TP63: variants seen among roughly 807,000 people sequenced by gnomAD.
The protein encoded by TP63 is tumor protein 63.
TP63 carries 17 observed loss-of-function variants against 82.8 expected under a neutral mutation model. The ratio of observed to expected loss-of-function variants is 0.21; its 90% CI spans 0.14 to 0.31. The LOEUF is 0.31. Among genes scored for constraint, TP63 ranks in the 10% least tolerant of loss-of-function variants. The pLI is 1.00. For synonymous variants in TP63, 330 were observed against 321.7 expected, an observed-to-expected ratio of 1.03 and a Z score of -0.28; for missense variants, 648 against 895.3, an observed-to-expected ratio of 0.72 and a Z score of 3.52.
intron 3 of TP63, among the ~76,000 whole-genome samples, chr3:189,772,704 C>T (rs1723467974): frequency 6.6e-6 from 1 of 152,150 alleles, no homozygotes; most frequent in African/African-American, 2.4e-5. Context: ...AAGCCCAACC[C>T]CTTGATAATC....
intron 1 of TP63, among the ~76,000 whole-genome samples, chr3:189,712,129 T>C (rs1056593314): frequency 3.3e-5 from 5 of 152,140 alleles, no homozygotes; most frequent in African/African-American, 4.8e-5. Context: ...AACACTACAA[T>C]AGGCACCGTG....
At chr3:189,862,725 T>C (rs968298651) in intron 4 of TP63, among the ~76,000 whole-genome samples, 7 of 152,248 alleles carry the variant, frequency 4.6e-5, no homozygotes, top group Non-Finnish European at 1.0e-4. Flanking sequence ...AAACAAGTTC[T>C]GTGTAAGTCT....
At chr3:189,747,813 C>G (rs1426273005) in intron 3 of TP63, among the ~76,000 whole-genome samples, 1 of 151,798 alleles carries the variant, frequency 6.6e-6, no homozygotes, top group Non-Finnish European at 1.5e-5. Context: ...TGAAAAGATA[C>G]ACCAAATTGA....
chr3:189,757,095 T>C (rs775706453), intron 3 of TP63, among the ~76,000 whole-genome samples: 24 of 152,280 alleles, frequency 1.6e-4, no homozygotes, highest in Admixed American at 2.6e-4. Flanking sequence ...ACGTGAAAAA[T>C]TCTACAATGT....
At position 189,783,838 on chromosome 3, in the gene TP63, C is replaced by A. The variant is rs1244879397; in HGVS notation, c.325-24434C>A. Among the ~76,000 whole-genome samples the A allele has an allele frequency of 3.3e-5, 5 of 151,810 alleles. 1 individual carries two copies. The highest frequency in any genetic ancestry group is 3.3e-4 in the Admixed American group (5 of 15,236). ...CAGTGCTGTAGTAGTTAGCCTCATT[C>A]AAATGTAATTTGGTGCAGTCTTTTT... is the stretch of plus-strand genomic sequence containing the variant. On this transcript the variant is annotated intron_variant, in intron 3 of 13. Coordinates refer to ENST00000264731, the MANE Select transcript of TP63 (RefSeq NM_003722.5).
chr3:189,896,337 C>T lies in TP63; in HGVS notation c.*1835C>T. The T allele has an allele frequency of 4.8e-6, 1 of 209,244 alleles. No homozygotes were observed. The highest frequency in any genetic ancestry group is 9.7e-6 in the Non-Finnish European group (1 of 102,922). The allele number at this position is 209,244 out of a possible 1,614,324, so 13.0% of individuals were successfully genotyped here. ...GGGATTTCCAGAACCACACTTGAAA[C>T]CTTTTTTTATCGTTTTTGTATTTTC... is the stretch of plus-strand genomic sequence containing the variant. On this transcript the variant is annotated 3_prime_UTR_variant, in exon 14 of 14. Coordinates refer to ENST00000264731, the MANE Select transcript of TP63 (RefSeq NM_003722.5).
chr3:189,624,287 C>T, the TP63 span, among the ~76,000 whole-genome samples: 1 of 152,090 alleles, frequency 6.6e-6, no homozygotes, highest in African/African-American at 2.4e-5. Context: ...AAACTCTATA[C>T]TCATTAAGCT....
chr3:189,827,630 G>A (rs767364787), intron 4 of TP63, among the ~76,000 whole-genome samples: 16 of 152,204 alleles, frequency 1.1e-4, no homozygotes, highest in Non-Finnish European at 1.9e-4. Flanking sequence ...GGTAAGTAAA[G>A]GCATGGAGAC....
chr3:189,641,025 T>C (rs1294819599), intron 1 of TP63, among the ~76,000 whole-genome samples: 1 of 152,142 alleles, frequency 6.6e-6, no homozygotes, highest in African/African-American at 2.4e-5. Context: ...TTAAGTACAT[T>C]TAAGAAGATT....
intron 3 of TP63, among the ~76,000 whole-genome samples, chr3:189,807,600 G>C (rs1011244825): frequency 5.9e-5 from 9 of 152,214 alleles, no homozygotes; most frequent in Middle Eastern, 6.8e-3. Context: ...GAAAATGAAA[G>C]AACAAATAAA....
chr3:189,693,795 C>T (rs187626377), intron 1 of TP63, among the ~76,000 whole-genome samples: 10 of 152,216 alleles, frequency 6.6e-5, no homozygotes, highest in African/African-American at 1.4e-4. Flanking sequence ...GATTAACTCA[C>T]GGTGCCTGGT....
chr3:189,728,600 A>G (rs1039257756), intron 1 of TP63, among the ~76,000 whole-genome samples: 2 of 152,186 alleles, frequency 1.3e-5, no homozygotes, highest in African/African-American at 4.8e-5. Flanking sequence ...TCATGCTGCT[A>G]TGAAGAGATA....
intron 1 of TP63, among the ~76,000 whole-genome samples, chr3:189,735,462 A>G (rs2108791890): frequency 6.6e-6 from 1 of 152,326 alleles, no homozygotes; most frequent in African/African-American, 2.4e-5. Context: ...CTCCAACTAT[A>G]CTTACTGATG....
At chr3:189,743,008 T>C (rs6774831) in intron 3 of TP63, among the ~76,000 whole-genome samples, 33,499 of 152,012 alleles carry the variant, frequency 0.22, 3,758 homozygotes, top group Middle Eastern at 0.27. Flanking sequence ...CATAATGTGA[T>C]GCTCATAAGT....
In TP63 at chr3:189,737,751, C is replaced by A; in HGVS notation, c.74C>A (p.Thr25Asn). 6.2e-7 allele frequency: 1 copy of A among 1,613,850 alleles called. No individual in the cohort carries two copies. The highest frequency in any genetic ancestry group is 8.5e-7 in the Non-Finnish European group (1 of 1,179,822). ...TTTGTCCTTTTAAGTTTCGTAGAAA[C>A]CCCAGCTCATTTCTCTTGGAAAGAA... is the stretch of plus-strand genomic sequence containing the variant. ...PDPYIQRFVETPAHFSWKESY... is the reference protein window; with the variant it reads ...PDPYIQRFVENPAHFSWKESY... Residue 25 changes from threonine to asparagine, a missense_variant, in exon 2 of 14, where the codon ACC (threonine) becomes AAC (asparagine). Thr to Asn is a moderately conservative substitution (Grantham distance 65). Transcript: ENST00000264731.
rs1250843041 is a variant in TP63, at chr3:189,895,050, T to C, written c.*548T>C. The C allele has an allele frequency of 4.5e-6, 1 of 220,822 alleles. No homozygotes were observed. The highest frequency in any genetic ancestry group is 9.1e-6 in the Non-Finnish European group (1 of 110,050). The allele number at this position is 220,822 out of a possible 1,614,324, so 13.7% of individuals were successfully genotyped here. ...ATGCTACATGTGAGTGACGATGATG[T>C]ACAGATTCTTTCAGTTCTTTGGATT... On this transcript the variant is annotated 3_prime_UTR_variant, in exon 14 of 14. Transcript: ENST00000264731.
intron 3 of TP63, among the ~76,000 whole-genome samples, chr3:189,796,400 G>C (rs906236639): frequency 7.9e-5 from 12 of 151,932 alleles, no homozygotes; most frequent in Non-Finnish European, 1.8e-4. Flanking sequence ...CAATTGAAGA[G>C]ATAATAACAG....
chr3:189,787,203 C>T (rs1390026904), intron 3 of TP63, among the ~76,000 whole-genome samples: 1 of 152,036 alleles, frequency 6.6e-6, no homozygotes, highest in Non-Finnish European at 1.5e-5. Flanking sequence ...TTGACTACTT[C>T]ACTTGTACAA....
intron 1 of TP63, among the ~76,000 whole-genome samples, chr3:189,648,146 CA>C (rs1712583234): frequency 6.8e-6 from 1 of 146,750 alleles, no homozygotes; most frequent in African/African-American, 2.6e-5. Context: ...AAATAAAGAA[CA>C]AGAAGTAATG....
Sources: allele counts gnomAD v4.1 joint callset (sites outside exome capture counted in the v4.1 genomes callset), GRCh38; gene constraint gnomAD v4.1.1; transcripts MANE v1.5; gene names NCBI Gene and HGNC (gene_info 2026-07-23, HGNC 2026-07-21).